BCKDHB: variants seen among roughly 807,000 people sequenced by gnomAD.
BCKDHB encodes the protein 2-oxoisovalerate dehydrogenase subunit beta, mitochondrial.
In BCKDHB, 41 loss-of-function variants were observed where a neutral mutation model predicts 48.5. The ratio of observed to expected loss-of-function variants is 0.85; its 90% CI spans 0.66 to 1.10. The LOEUF is 1.10. BCKDHB is among the 50% of genes least tolerant of loss of function. The probability of loss-of-function intolerance (pLI) is 0.00; values close to 1 mark genes in which losing one functional copy is unlikely to be tolerated. For synonymous variants in BCKDHB, 201 were observed against 174.8 expected (o/e 1.15, Z -1.18); for missense variants, 496 against 494.2 (o/e 1.00, Z -0.03).
At chr6:80,321,807 G>A (rs1024338844) in intron 9 of BCKDHB, among the ~76,000 whole-genome samples, 2 of 152,032 alleles carry the variant, frequency 1.3e-5, no homozygotes, top group Non-Finnish European at 2.9e-5. Flanking sequence ...CTGTCTTTCC[G>A]TTATTCTCTA....
chr6:80,418,722 C>T, the BCKDHB span, among the ~76,000 whole-genome samples: 3 of 152,142 alleles, frequency 2.0e-5, no homozygotes, highest in Non-Finnish European at 4.4e-5. Context: ...GTGGTGTTAA[C>T]CAAAGTGCTT....
chr6:80,252,790 T>C (rs1039109884), intron 8 of BCKDHB, among the ~76,000 whole-genome samples: 7 of 152,164 alleles, frequency 4.6e-5, no homozygotes, highest in Admixed American at 2.0e-4. Flanking sequence ...GTAACATAAA[T>C]ATTAAGCATA....
chr6:80,123,119 C>G (rs190469045), intron 1 of BCKDHB, among the ~76,000 whole-genome samples: 1 of 152,058 alleles, frequency 6.6e-6, no homozygotes, highest in Admixed American at 6.5e-5. Context: ...TTTTGCCTGA[C>G]CCCACAGGCA....
At chr6:80,457,302 G>A in the BCKDHB span, among the ~76,000 whole-genome samples, 1 of 152,166 alleles carries the variant, frequency 6.6e-6, no homozygotes, top group African/African-American at 2.4e-5. Context: ...TTTCTTTAGA[G>A]GCAAGTCCCT....
intron 1 of BCKDHB, among the ~76,000 whole-genome samples, chr6:80,111,743 A>G (rs1225125326): frequency 6.6e-6 from 1 of 152,226 alleles, no homozygotes; most frequent in Non-Finnish European, 1.5e-5. Flanking sequence ...CTATGGTTTT[A>G]TATATATGCA....
chr6:80,299,256 T>C (rs577704753), intron 9 of BCKDHB, among the ~76,000 whole-genome samples: 1 of 152,288 alleles, frequency 6.6e-6, no homozygotes, highest in East Asian at 1.9e-4. Flanking sequence ...CCCAGGCAAA[T>C]GCACCCCACT....
At chr6:80,325,796 G>T (rs1430329328) in intron 9 of BCKDHB, among the ~76,000 whole-genome samples, 5 of 152,136 alleles carry the variant, frequency 3.3e-5, no homozygotes, top group African/African-American at 1.2e-4. Flanking sequence ...CATAACCCCA[G>T]TTCAGTCATG....
the BCKDHB span, among the ~76,000 whole-genome samples, chr6:80,396,176 C>G: frequency 6.6e-6 from 1 of 152,112 alleles, no homozygotes; most frequent in Non-Finnish European, 1.5e-5. Flanking sequence ...GCCATCATCC[C>G]TAGAATGGTA....
the BCKDHB span, among the ~76,000 whole-genome samples, chr6:80,424,572 G>T: frequency 6.6e-6 from 1 of 151,962 alleles, no homozygotes; most frequent in Non-Finnish European, 1.5e-5. Context: ...TATGTTTCAT[G>T]CGTTAATGTT....
chr6:80,279,125 TTTTG>T (rs746075804), intron 9 of BCKDHB, among the ~76,000 whole-genome samples: 30 of 152,098 alleles, frequency 2.0e-4, no homozygotes, highest in East Asian at 3.9e-4. Context: ...ACTGTCTCCT[TTTTG>T]TTTGTTTGTT....
At chr6:80,173,741 T>G (rs1483380418) in intron 6 of BCKDHB, among the ~76,000 whole-genome samples, 6 of 152,042 alleles carry the variant, frequency 3.9e-5, no homozygotes, top group African/African-American at 1.4e-4. Context: ...TGACCTATGG[T>G]TTTCTTAGAT....
intron 9 of BCKDHB, chr6:80,307,718 G>A (rs886579726): frequency 2.0e-6 from 2 of 977,142 alleles, no homozygotes; most frequent in Non-Finnish European, 2.4e-6. Context: ...TGTCCAGATT[G>A]ACTTTTGTTA....
At chr6:80,406,286 A>G in the BCKDHB span, among the ~76,000 whole-genome samples, 2 of 152,156 alleles carry the variant, frequency 1.3e-5, no homozygotes, top group Non-Finnish European at 2.9e-5. Context: ...CAATAAACAT[A>G]TGTGTGCATG....
the BCKDHB span, among the ~76,000 whole-genome samples, chr6:80,414,590 G>A: frequency 5.7e-3 from 873 of 152,172 alleles, 9 homozygotes; most frequent in African/African-American, 0.02. Context: ...CCATACTTCT[G>A]GGTTCTCTAT....
At chr6:80,308,744 GC>G (rs1412239692) in intron 9 of BCKDHB, among the ~76,000 whole-genome samples, 1 of 151,724 alleles carries the variant, frequency 6.6e-6, no homozygotes, top group Non-Finnish European at 1.5e-5. Context: ...ACAGGCGCCC[GC>G]CACCACGCCC....
At chr6:80,413,731 G>A in the BCKDHB span, among the ~76,000 whole-genome samples, 1 of 152,168 alleles carries the variant, frequency 6.6e-6, no homozygotes, top group Non-Finnish European at 1.5e-5. Flanking sequence ...CCATATCTTT[G>A]CTATTGTGAA....
the BCKDHB span, among the ~76,000 whole-genome samples, chr6:80,455,921 G>A: frequency 1.3e-5 from 2 of 152,086 alleles, no homozygotes; most frequent in African/African-American, 4.8e-5. Flanking sequence ...CTCAGTAACC[G>A]TTCTTTTAAA....
At chr6:80,341,654 G>C (rs1191616049) in intron 9 of BCKDHB, among the ~76,000 whole-genome samples, 1 of 152,184 alleles carries the variant, frequency 6.6e-6, no homozygotes, top group Non-Finnish European at 1.5e-5. Context: ...AGAACTTCTT[G>C]TGGTAGGCCA....
chr6:80,216,662 A>T (rs970659599), intron 8 of BCKDHB, among the ~76,000 whole-genome samples: 7 of 152,208 alleles, frequency 4.6e-5, no homozygotes, highest in African/African-American at 1.4e-4. Flanking sequence ...TCATTTCATA[A>T]TGAAAAAAGA....
Sources: allele counts gnomAD v4.1 joint callset (sites outside exome capture counted in the v4.1 genomes callset), GRCh38; gene constraint gnomAD v4.1.1; transcripts MANE v1.5; gene names NCBI Gene and HGNC (gene_info 2026-07-23, HGNC 2026-07-21).